LRTM3: variants seen among roughly 807,000 people sequenced by gnomAD.
The protein encoded by LRTM3 is leucine rich repeat transmembrane protein 3.
chr13:102,741,987 T>C, the LRTM3 span: 2 of 1,550,626 alleles, frequency 1.3e-6, no homozygotes, highest in Non-Finnish European at 1.7e-6. Context: ...ATGCTGGACA[T>C]ATCAGTACAA....
the LRTM3 span, chr13:102,741,186 C>T: frequency 6.5e-7 from 1 of 1,548,922 alleles, no homozygotes; most frequent in South Asian, 1.2e-5. Context: ...TTTGAAAAGT[C>T]CATTTTCTGT....
At chr13:102,744,801 A>G in the LRTM3 span, 7 of 1,550,588 alleles carry the variant, frequency 4.5e-6, no homozygotes, top group East Asian at 2.4e-5. Flanking sequence ...ATGTCAGTCA[A>G]ATTGGCCTTC....
chr13:102,735,293 G>A, the LRTM3 span: 1 of 1,551,136 alleles, frequency 6.4e-7, no homozygotes, highest in Non-Finnish European at 8.7e-7. Flanking sequence ...TAGCAGGTGT[G>A]CTTTTAATTG....
the LRTM3 span, chr13:102,730,993 A>T: frequency 2.6e-5 from 41 of 1,551,358 alleles, no homozygotes; most frequent in Non-Finnish European, 3.5e-5. Flanking sequence ...ATTCTCTTAC[A>T]ATTCTGGGAA....
At chr13:102,741,210 A>G in the LRTM3 span, 1 of 1,549,892 alleles carries the variant, frequency 6.5e-7, no homozygotes, top group Non-Finnish European at 8.7e-7. Flanking sequence ...TTTGATTTTA[A>G]TGTAATATCC....
the LRTM3 span, among the ~76,000 whole-genome samples, chr13:102,755,946 T>C: frequency 2.4e-5 from 1 of 42,478 alleles, no homozygotes; most frequent in East Asian, 4.4e-4. Context: ...TATATACATA[T>C]ATATATATAT....
the LRTM3 span, chr13:102,739,314 C>T: frequency 6.5e-7 from 1 of 1,549,202 alleles, no homozygotes; most frequent in Non-Finnish European, 8.7e-7. Flanking sequence ...TTTTCTCTAT[C>T]TTCCTTCTTT....
the LRTM3 span, chr13:102,736,400 A>T: frequency 6.4e-7 from 1 of 1,551,124 alleles, no homozygotes; most frequent in Non-Finnish European, 8.7e-7. Flanking sequence ...CAGGCCATGC[A>T]TGGATACTGT....
chr13:102,744,596 A>G, the LRTM3 span: 10 of 1,550,608 alleles, frequency 6.4e-6, no homozygotes, highest in South Asian at 1.2e-4. Context: ...TATGTGAGAC[A>G]AATTCCAAGA....
At chr13:102,739,931 G>T in the LRTM3 span, 1 of 1,550,274 alleles carries the variant, frequency 6.5e-7, no homozygotes, top group Non-Finnish European at 8.7e-7. Flanking sequence ...ACAGTCACTG[G>T]TATTGAGTAT....
the LRTM3 span, chr13:102,742,574 TC>T: frequency 6.4e-7 from 1 of 1,550,614 alleles, no homozygotes. Context: ...TGCTTCTTGA[TC>T]TATTAAATCA....
At chr13:102,745,736 C>G in the LRTM3 span, 9 of 1,551,086 alleles carry the variant, frequency 5.8e-6, no homozygotes, top group Non-Finnish European at 7.8e-6. Context: ...AGATGAGATA[C>G]CACCTTCTCT....
chr13:102,738,276 T>C, the LRTM3 span: 3,386 of 1,550,996 alleles, frequency 2.2e-3, 86 homozygotes, highest in Non-Finnish European at 3.3e-4. Context: ...TTGATTGTGA[T>C]ATCACCCTTA....
At chr13:102,757,257 G>A in the LRTM3 span, among the ~76,000 whole-genome samples, 3 of 152,154 alleles carry the variant, frequency 2.0e-5, no homozygotes. Flanking sequence ...AACTAGTGTT[G>A]CTAGTACCCA....
chr13:102,740,311 CA>C, the LRTM3 span: 1 of 1,550,146 alleles, frequency 6.5e-7, no homozygotes, highest in South Asian at 1.2e-5. Context: ...TTGGAGAAAT[CA>C]AGGGCACAAT....
At chr13:102,734,998 G>C in the LRTM3 span, 1 of 1,551,136 alleles carries the variant, frequency 6.4e-7, no homozygotes, top group South Asian at 1.2e-5. Flanking sequence ...GTTTTACTAG[G>C]GGAAAAGAGG....
the LRTM3 span, chr13:102,749,832 T>G: frequency 1.3e-6 from 2 of 1,551,368 alleles, no homozygotes; most frequent in Non-Finnish European, 1.7e-6. Context: ...GAAATAACCA[T>G]TCCAACAGAA....
chr13:102,750,178 C>T, the LRTM3 span: 6 of 1,551,118 alleles, frequency 3.9e-6, no homozygotes, highest in African/African-American at 1.4e-5. Flanking sequence ...GACACGTTTC[C>T]TCTACTTCTG....
the LRTM3 span, chr13:102,730,466 G>T: frequency 6.4e-7 from 1 of 1,551,236 alleles, no homozygotes; most frequent in East Asian, 2.4e-5. Flanking sequence ...TAAATCAACA[G>T]ATTCACATGT....
Sources: gnomAD v4.1 joint callset for allele counts (sites outside exome capture counted in the v4.1 genomes callset) on GRCh38, gnomAD v4.1.1 for gene constraint, MANE v1.5 for transcripts, NCBI Gene and HGNC (gene_info 2026-07-23, HGNC 2026-07-21) for gene names.